The following STXBP5L variants were observed in gnomAD, a reference collection of about 807,000 sequenced individuals.
The protein encoded by STXBP5L is syntaxin binding protein 5L.
A neutral mutation model predicts 144.5 loss-of-function variants in STXBP5L; 65 were observed. That is an observed-to-expected ratio of 0.45 (90% CI 0.37 to 0.55). The LOEUF is 0.55. Ranked by LOEUF, STXBP5L falls within the 20% of genes least tolerant of loss-of-function variation. STXBP5L has a pLI of 0.00. For synonymous variants in STXBP5L, 505 were observed against 469.6 expected (o/e 1.08, Z -0.97); for missense variants, 1,298 against 1,405.5 (o/e 0.92, Z 1.22).
intron 2 of STXBP5L, among the ~76,000 whole-genome samples, chr3:120,953,081 C>A (rs1453812395): frequency 6.7e-6 from 1 of 150,302 alleles, no homozygotes; most frequent in East Asian, 2.0e-4. Context: ...ATTACAGGTG[C>A]AAGTCACTGC....
At chr3:121,317,260 A>G (rs1050608234) in intron 19 of STXBP5L, among the ~76,000 whole-genome samples, 5 of 152,230 alleles carry the variant, frequency 3.3e-5, no homozygotes, top group African/African-American at 1.2e-4. Context: ...TTTGGTATTC[A>G]GTGCTCTATA....
At chr3:121,348,466 C>T (rs899341173) in intron 20 of STXBP5L, among the ~76,000 whole-genome samples, 12 of 152,082 alleles carry the variant, frequency 7.9e-5, no homozygotes, top group Non-Finnish European at 4.4e-5. Flanking sequence ...ATGATGCTGG[C>T]CTCATAAAAT....
intron 2 of STXBP5L, among the ~76,000 whole-genome samples, chr3:120,916,652 C>G (rs573570035): frequency 6.6e-6 from 1 of 152,096 alleles, no homozygotes; most frequent in Admixed American, 6.6e-5. Flanking sequence ...AGCATAAAAT[C>G]GACATCTTAT....
intron 5 of STXBP5L, among the ~76,000 whole-genome samples, chr3:121,059,684 C>A (rs904511331): frequency 6.6e-6 from 1 of 152,116 alleles, no homozygotes; most frequent in African/African-American, 2.4e-5. Context: ...TCGAAGAGGT[C>A]CTTCACATCC....
intron 12 of STXBP5L, among the ~76,000 whole-genome samples, chr3:121,234,384 C>A (rs1041671208): frequency 5.3e-5 from 8 of 152,078 alleles, no homozygotes. Context: ...CTGTAAGATT[C>A]TCAAGTCAGA....
intron 5 of STXBP5L, among the ~76,000 whole-genome samples, chr3:121,111,816 T>C (rs1259252532): frequency 6.6e-6 from 1 of 152,166 alleles, no homozygotes; most frequent in Admixed American, 6.5e-5. Flanking sequence ...TGCAGAGCCA[T>C]CGGGGGAAAG....
At chr3:120,973,774 A>G (rs1455102279) in intron 3 of STXBP5L, among the ~76,000 whole-genome samples, 2 of 147,770 alleles carry the variant, frequency 1.4e-5, no homozygotes, top group South Asian at 2.1e-4. Context: ...ATTCCCACCT[A>G]TGAGTGAGAA....
intron 19 of STXBP5L, among the ~76,000 whole-genome samples, chr3:121,318,092 C>T (rs1235197946): frequency 6.6e-6 from 1 of 151,952 alleles, no homozygotes; most frequent in Non-Finnish European, 1.5e-5. Context: ...TTTGTACCAT[C>T]CATGTTTAAA....
intron 3 of STXBP5L, among the ~76,000 whole-genome samples, chr3:120,965,541 G>A (rs1182250161): frequency 1.3e-5 from 2 of 152,164 alleles, no homozygotes; most frequent in African/African-American, 4.8e-5. Flanking sequence ...ATGAAGCCTA[G>A]TTTGGCTGGA....
At position 121,279,933 on chromosome 3, in the gene STXBP5L, G is replaced by A. The variant is rs561846083; in HGVS notation, c.2087G>A (p.Arg696Gln). 52 of 1,611,362 alleles carry A rather than the reference G, an allele frequency of 3.2e-5. No homozygotes were observed. Among genetic ancestry groups the A allele is most frequent in the Non-Finnish European group, 4.1e-5 (48 of 1,178,416 alleles). ...DLYQRQPRSP[R>Q]KNKQFIAGLT... ...TACCAGCGACAACCACGGTCTCCTCGAAAAAACAAACAGTTCATTGCAGGT... is the reference window on the plus strand; with the variant it reads ...TACCAGCGACAACCACGGTCTCCTCAAAAAAACAAACAGTTCATTGCAGGT... The change falls in exon 19 of 27, where the codon CGA (arginine) becomes CAA (glutamine). Residue 696 changes from arginine (R) to glutamine (Q), a missense_variant. Transcript: ENST00000471454.
chr3:121,415,722 C>A, intron 24 of STXBP5L, 135 bp from the exon 25 acceptor site: 1 of 516,844 alleles, frequency 1.9e-6, no homozygotes. Context: ...GTGAGCACAG[C>A]AAAAATCACC....
At chr3:121,245,764 TAAC>T (rs2049829271) in intron 14 of STXBP5L, among the ~76,000 whole-genome samples, 2 of 152,048 alleles carry the variant, frequency 1.3e-5, no homozygotes, top group Non-Finnish European at 2.9e-5. Context: ...TGTATGAACA[TAAC>T]AACAGAGCAT....
intron 4 of STXBP5L, 65 bp downstream of exon 4, chr3:121,041,846 T>G: frequency 9.6e-7 from 1 of 1,046,746 alleles, no homozygotes; most frequent in Non-Finnish European, 1.5e-6. Flanking sequence ...TCAGTTAATG[T>G]AATCTTTTAA....
At chr3:121,082,031 G>A (rs575336724) in intron 5 of STXBP5L, among the ~76,000 whole-genome samples, 7 of 152,160 alleles carry the variant, frequency 4.6e-5, no homozygotes, top group Admixed American at 3.3e-4. Flanking sequence ...CATACAGTAA[G>A]CTTTAAAATT....
Position 121,018,253 on chromosome 3 carries a change from A to T in STXBP5L, c.288-23447A>T, listed in dbSNP as rs75896144. On this transcript the variant is annotated intron_variant, in intron 3 of 26. Coordinates refer to ENST00000471454, the MANE Select transcript of STXBP5L (RefSeq NM_001308330.2). ...CAAAGTGTATATGGAATGGCAAAAGACCCAGAATAACCAACACAATCTTGA... is the reference window on the plus strand; with the variant it reads ...CAAAGTGTATATGGAATGGCAAAAGTCCCAGAATAACCAACACAATCTTGA... Among the ~76,000 whole-genome samples the T allele has an allele frequency of 7.9e-3, 1,196 of 152,288 alleles. 12 individuals are homozygous for T. Among genetic ancestry groups the T allele is most frequent in the African/African-American group, 0.028 (1,154 of 41,556 alleles).
intron 3 of STXBP5L, among the ~76,000 whole-genome samples, chr3:120,971,172 G>C (rs2107794995): frequency 6.6e-6 from 1 of 152,174 alleles, no homozygotes; most frequent in African/African-American, 2.4e-5. Flanking sequence ...GGGCCTTCCT[G>C]CAGATTGCGT....
At chr3:121,012,697 T>C (rs1279777279) in intron 3 of STXBP5L, among the ~76,000 whole-genome samples, 1 of 151,838 alleles carries the variant, frequency 6.6e-6, no homozygotes, top group Non-Finnish European at 1.5e-5. Context: ...TTATTATTCT[T>C]AGATTTAGGG....
At chr3:120,973,870 A>G (rs947774727) in intron 3 of STXBP5L, among the ~76,000 whole-genome samples, 4 of 152,036 alleles carry the variant, frequency 2.6e-5, no homozygotes, top group African/African-American at 9.7e-5. Flanking sequence ...AAGGACATGA[A>G]CTCATCCTTT....
chr3:121,190,541 C>A (rs2047602347), intron 9 of STXBP5L, among the ~76,000 whole-genome samples: 1 of 152,244 alleles, frequency 6.6e-6, no homozygotes. Flanking sequence ...CCATCGTCAT[C>A]ATGGCCCCTT....
Sources: gnomAD v4.1 joint callset for allele counts (sites outside exome capture counted in the v4.1 genomes callset) on GRCh38, gnomAD v4.1.1 for gene constraint, MANE v1.5 for transcripts, NCBI Gene and HGNC (gene_info 2026-07-23, HGNC 2026-07-21) for gene names.